NCOA2: variants seen among roughly 807,000 people sequenced by gnomAD.
The protein encoded by NCOA2 is class E basic helix-loop-helix protein 75.
Under a neutral mutation model 145.1 loss-of-function variants are expected in NCOA2, and 21 were observed. That is an observed-to-expected ratio of 0.14 (90% CI 0.10 to 0.21). The LOEUF (loss-of-function observed/expected upper bound fraction) is 0.21. NCOA2 is among the 10% of genes least tolerant of loss of function. The pLI is 1.00. For missense variants in NCOA2, 1,472 were observed against 1,837.6 expected (o/e 0.80, Z 3.64); for synonymous variants, 619 against 637.5 (o/e 0.97, Z 0.44).
intron 1 of NCOA2, among the ~76,000 whole-genome samples, chr8:70,381,309 C>A (rs1812171788): frequency 6.6e-6 from 1 of 152,116 alleles, no homozygotes; most frequent in African/African-American, 2.4e-5. Flanking sequence ...AGCGTAATAA[C>A]AACAGAATAT....
At chr8:70,223,058 G>T (rs375540689) in intron 2 of NCOA2, among the ~76,000 whole-genome samples, 1 of 152,082 alleles carries the variant, frequency 6.6e-6, no homozygotes, top group Admixed American at 6.5e-5. Context: ...AGAAAACATC[G>T]CAGGAAGAAG....
Position 70,124,058 on chromosome 8 carries a change from T to C in NCOA2, c.4119A>G (p.Pro1373=). The change falls in exon 21 of 23, where the codon CCA becomes CCG. Residue 1373 remains proline, a synonymous_variant. Transcript: ENST00000452400. The part of the protein sequence containing the change: ...GNSMFSQQSP[P]HFGQQANTSM... ...TGGTGTTTGCTTGCTGCCCAAAGTG[T>C]GGTGGGGACTGCTGGGAAAACATGC... 1 of 1,613,696 alleles carries C rather than the reference T, an allele frequency of 6.2e-7. No homozygotes were observed. The highest frequency in any genetic ancestry group is 8.5e-7 in the Non-Finnish European group (1 of 1,179,710).
At chr8:70,327,166 A>G (rs1293277367) in intron 1 of NCOA2, among the ~76,000 whole-genome samples, 5 of 152,350 alleles carry the variant, frequency 3.3e-5, no homozygotes, top group East Asian at 3.8e-4. Context: ...ATAGGCACAC[A>G]TGAAAAGTCT....
intron 2 of NCOA2, among the ~76,000 whole-genome samples, chr8:70,261,148 T>C (rs7005564): frequency 0.89 from 136,209 of 152,198 alleles, 61,396 homozygotes; most frequent in African/African-American, 0.95. Flanking sequence ...AAGACACATG[T>C]ACACATATGT....
chr8:70,163,269 T>A (rs1200353572), intron 8 of NCOA2, among the ~76,000 whole-genome samples, 196 bp downstream of exon 8: 3 of 152,112 alleles, frequency 2.0e-5, no homozygotes, highest in Non-Finnish European at 4.4e-5. Flanking sequence ...CTAGGTAACA[T>A]AAGTACATGG....
rs778502105 is a variant in NCOA2 at position 70,155,955 on chromosome 8, A to G, written c.2394+16T>C. 1.3e-6 allele frequency: 2 copies of G among 1,541,266 alleles called. No individual in the cohort carries two copies. Among genetic ancestry groups the G allele is most frequent in the South Asian group, 2.6e-5 (2 of 78,204 alleles). Reference sequence around the variant, plus strand: ...TACAGATTAGTACACCTGCGAGAAGATGTGATAAAACTTACCTGGTCACCA... The same window carrying G: ...TACAGATTAGTACACCTGCGAGAAGGTGTGATAAAACTTACCTGGTCACCA... On this transcript the variant is annotated intron_variant, in intron 11 of 22. Transcript: ENST00000452400.
intron 1 of NCOA2, among the ~76,000 whole-genome samples, chr8:70,307,220 C>CAAAAAAAAAAAAAAAAAAAAA (rs57161747): frequency 1.0e-3 from 73 of 71,488 alleles, no homozygotes; most frequent in East Asian, 2.5e-3. Context: ...CCTACATAAG[C>CAAAAAAAAAAAAAAAAAAAAA]AAAAAAAAAA....
chr8:70,215,145 G>A (rs886279141), intron 3 of NCOA2, among the ~76,000 whole-genome samples: 5 of 152,000 alleles, frequency 3.3e-5, no homozygotes, highest in East Asian at 1.9e-4. Context: ...ATTTTTACCC[G>A]TAGCTTCTGT....
At chr8:70,367,118 GC>G (rs1326821822) in intron 1 of NCOA2, among the ~76,000 whole-genome samples, 1 of 152,130 alleles carries the variant, frequency 6.6e-6, no homozygotes, top group African/African-American at 2.4e-5. Context: ...ACCCTACCAG[GC>G]CTTGGGGGAG....
chr8:70,442,171 C>T, the NCOA2 span, among the ~76,000 whole-genome samples: 2 of 51,370 alleles, frequency 3.9e-5, no homozygotes, highest in Non-Finnish European at 1.2e-4. Flanking sequence ...AAGAGAAAGG[C>T]TGACTCTCAG....
chr8:70,286,975 G>T (rs750744622), intron 2 of NCOA2, among the ~76,000 whole-genome samples: 1 of 152,114 alleles, frequency 6.6e-6, no homozygotes, highest in Non-Finnish European at 1.5e-5. Flanking sequence ...AGGTGTGGTG[G>T]CTCATGCTTG....
intron 4 of NCOA2, among the ~76,000 whole-genome samples, chr8:70,188,645 TACA>T (rs1816338029): frequency 6.6e-6 from 1 of 152,004 alleles, no homozygotes; most frequent in African/African-American, 2.4e-5. Flanking sequence ...AATTTAATTG[TACA>T]ACAAAAAAAA....
chr8:70,190,348 T>C (rs998906033), intron 4 of NCOA2, among the ~76,000 whole-genome samples: 3 of 152,220 alleles, frequency 2.0e-5, no homozygotes, highest in Admixed American at 6.5e-5. Context: ...AGTTATACTA[T>C]CTGTCCTTTC....
intron 2 of NCOA2, among the ~76,000 whole-genome samples, chr8:70,251,597 A>C (rs7832242): frequency 0.057 from 8,706 of 152,312 alleles, 837 homozygotes; most frequent in African/African-American, 0.2. Flanking sequence ...GTCATCTGTT[A>C]ACCAGAGTTA....
At position 70,214,120 on chromosome 8, in the gene NCOA2, T is replaced by C. The variant is rs749620035; in HGVS notation, c.87-45A>G. ...TTTTATGATGTATTTGAAAAAGAGC[T>C]ATTGTGAAAAAAATGAACGTGTTAA... is the stretch of plus-strand genomic sequence containing the variant. On this transcript the variant is annotated intron_variant, in intron 3 of 22. Transcript: ENST00000452400. 3 of 1,543,406 alleles carry C rather than the reference T, an allele frequency of 1.9e-6. No homozygotes were observed. In the South Asian group the frequency reaches 3.7e-5, roughly 19 times the overall value.
At chr8:70,189,713 C>A (rs548862042) in intron 4 of NCOA2, among the ~76,000 whole-genome samples, 5 of 152,106 alleles carry the variant, frequency 3.3e-5, no homozygotes, top group Non-Finnish European at 7.3e-5. Flanking sequence ...ACAAGCTCTG[C>A]CTCTTATAGG....
rs542859387 is a variant in NCOA2, at chr8:70,371,048, G to A, written c.-77+32652C>T. ...CACGCCTGTAATCCCAGCACTTTGG[G>A]AGGCCGAGTCGGGCGGATCACGAGG... On this transcript the variant is annotated intron_variant, in intron 1 of 22. Transcript: ENST00000452400. Among the ~76,000 whole-genome samples the A allele has an allele frequency of 2.6e-5, 4 of 152,296 alleles. No individual in the cohort carries two copies. The South Asian group carries it at 8.3e-4, about 32-fold the overall frequency.
chr8:70,258,118 T>C (rs940006047), intron 2 of NCOA2, among the ~76,000 whole-genome samples: 7 of 152,284 alleles, frequency 4.6e-5, no homozygotes, highest in African/African-American at 7.2e-5. Context: ...GATTTCATCA[T>C]GTTGCCCAGG....
At chr8:70,169,082 G>C (rs1200341471) in intron 6 of NCOA2, among the ~76,000 whole-genome samples, 1 of 152,154 alleles carries the variant, frequency 6.6e-6, no homozygotes, top group Non-Finnish European at 1.5e-5. Context: ...GCCAACTCAG[G>C]ATTTGACCTT....
Sources: gnomAD v4.1 joint callset for allele counts (sites outside exome capture counted in the v4.1 genomes callset) on GRCh38, gnomAD v4.1.1 for gene constraint, MANE v1.5 for transcripts, NCBI Gene and HGNC (gene_info 2026-07-23, HGNC 2026-07-21) for gene names.